XKR9: variants seen among roughly 807,000 people sequenced by gnomAD.
The protein encoded by XKR9 is XK related 9, also known as XK-related protein 9.
Under a neutral mutation model 32.0 loss-of-function variants are expected in XKR9, and 32 were observed. That is an observed-to-expected ratio of 1.00 (90% CI 0.76 to 1.34). XKR9 has a LOEUF of 1.34. Among genes scored for constraint, XKR9 ranks in the 40% most tolerant of loss-of-function variants. The probability of loss-of-function intolerance (pLI) is 0.00; values close to 1 mark genes in which losing one functional copy is unlikely to be tolerated. For synonymous variants in XKR9, 168 were observed against 143.4 expected (o/e 1.17, Z -1.22); for missense variants, 546 against 429.7 (o/e 1.27, Z -2.39).
At chr8:71,003,846 A>C in the XKR9 span, among the ~76,000 whole-genome samples, 1 of 152,342 alleles carries the variant, frequency 6.6e-6, no homozygotes, top group African/African-American at 2.4e-5. Flanking sequence ...CCAAGAAGTA[A>C]TGTCCTCAGG....
intron 2 of XKR9, among the ~76,000 whole-genome samples, chr8:70,679,829 G>C (rs1426140658): frequency 6.6e-6 from 1 of 151,930 alleles, no homozygotes; most frequent in Non-Finnish European, 1.5e-5. Context: ...ATTAAATTGG[G>C]GCGTTTTATA....
At chr8:70,970,496 G>A in the XKR9 span, among the ~76,000 whole-genome samples, 1 of 152,016 alleles carries the variant, frequency 6.6e-6, no homozygotes, top group Non-Finnish European at 1.5e-5. Flanking sequence ...AGGCCCCAGT[G>A]TGTGATGTTT....
At chr8:70,833,236 C>G in the XKR9 span, among the ~76,000 whole-genome samples, 1 of 152,212 alleles carries the variant, frequency 6.6e-6, no homozygotes, top group East Asian at 1.9e-4. Context: ...CTTGAGTCAG[C>G]TGTGGTTTCT....
chr8:70,708,003 C>T (rs1288902213), intron 4 of XKR9, among the ~76,000 whole-genome samples: 1 of 151,978 alleles, frequency 6.6e-6, no homozygotes, highest in African/African-American at 2.4e-5. Flanking sequence ...CCCTGGAGTT[C>T]TTGCTGTCCT....
chr8:70,996,168 G>A, the XKR9 span, among the ~76,000 whole-genome samples: 2 of 152,314 alleles, frequency 1.3e-5, no homozygotes, highest in African/African-American at 4.8e-5. Flanking sequence ...TGTGATGTAT[G>A]ACAAGCACAT....
the XKR9 span, among the ~76,000 whole-genome samples, chr8:70,888,094 T>G: frequency 1.3e-5 from 2 of 152,032 alleles, no homozygotes; most frequent in African/African-American, 4.8e-5. Flanking sequence ...CTTCTAGCTC[T>G]TTTTTAATAT....
the XKR9 span, among the ~76,000 whole-genome samples, chr8:71,036,772 C>A: frequency 1.3e-5 from 2 of 151,868 alleles, no homozygotes; most frequent in East Asian, 3.9e-4. Flanking sequence ...TCCCTGAATA[C>A]TAGTGTAAAT....
At chr8:70,692,495 C>A (rs926640401) in intron 3 of XKR9, among the ~76,000 whole-genome samples, 1 of 151,882 alleles carries the variant, frequency 6.6e-6, no homozygotes, top group Admixed American at 6.6e-5. Context: ...TTGTCTTGTA[C>A]GAGTTTTCAA....
the XKR9 span, among the ~76,000 whole-genome samples, chr8:70,812,251 G>C: frequency 1.0e-2 from 1,515 of 152,078 alleles, 22 homozygotes; most frequent in African/African-American, 0.035. Flanking sequence ...ACCCTTCATG[G>C]TACAAACTCT....
At chr8:70,943,335 A>G in the XKR9 span, among the ~76,000 whole-genome samples, 1 of 152,160 alleles carries the variant, frequency 6.6e-6, no homozygotes, top group Non-Finnish European at 1.5e-5. Flanking sequence ...AAATGGACTA[A>G]TAAGGCTTTT....
the XKR9 span, among the ~76,000 whole-genome samples, chr8:71,003,661 C>T: frequency 6.6e-6 from 1 of 152,074 alleles, no homozygotes; most frequent in East Asian, 1.9e-4. Flanking sequence ...TATTTAGGCA[C>T]TTGATAAATA....
chr8:70,978,534 C>G, the XKR9 span, among the ~76,000 whole-genome samples: 1 of 152,170 alleles, frequency 6.6e-6, no homozygotes. Context: ...GTTGAAAATT[C>G]TTTTCTTTAA....
At chr8:70,905,940 A>T in the XKR9 span, among the ~76,000 whole-genome samples, 6 of 152,244 alleles carry the variant, frequency 3.9e-5, no homozygotes, top group Non-Finnish European at 8.8e-5. Context: ...GCTGCAGAAC[A>T]GCAAATATTG....
chr8:70,944,454 A>C, the XKR9 span, among the ~76,000 whole-genome samples: 1,510 of 152,362 alleles, frequency 9.9e-3, 23 homozygotes, highest in African/African-American at 0.034. Flanking sequence ...AAAATTACCA[A>C]GAAAGAGGAG....
chr8:70,789,331 A>G (rs1807732958), intron 2 of XKR9: 2 of 152,140 alleles, frequency 1.3e-5, no homozygotes, highest in African/African-American at 4.8e-5. Context: ...AAATCTTCAT[A>G]CATATAGGAA....
chr8:70,864,573 C>T, the XKR9 span, among the ~76,000 whole-genome samples: 1 of 152,146 alleles, frequency 6.6e-6, no homozygotes, highest in South Asian at 2.1e-4. Flanking sequence ...AAGCATTTGA[C>T]CTATAACTTG....
chr8:70,688,355 A>G (rs113120636), intron 3 of XKR9, among the ~76,000 whole-genome samples: 7 of 152,174 alleles, frequency 4.6e-5, no homozygotes, highest in African/African-American at 1.7e-4. Context: ...TCTCCCCGTC[A>G]CCCATACAAA....
In XKR9 at chr8:70,695,145, T is replaced by C. The variant is rs1347418910; in HGVS notation, c.273-11788T>C. ...TTGTTTTTCTTTTTTTTTTTTTTTT[T>C]CTCATTGATTTGTTTTTAAAAAAAT... On this transcript the variant is annotated intron_variant, in intron 3 of 4. Coordinates refer to ENST00000408926, the MANE Select transcript of XKR9 (RefSeq NM_001011720.2). 4.4e-5 allele frequency among the ~76,000 whole-genome samples: 6 copies of C among 137,086 alleles called. No homozygotes were observed. In the South Asian group the frequency reaches 7.1e-4, roughly 16 times the overall value. The allele number at this position is 137,086 out of a possible 152,430, so 89.9% of individuals were successfully genotyped here. A position where few individuals can be genotyped will look rare whatever the true frequency, so the allele number is the denominator to read the frequency against.
intron 4 of XKR9, among the ~76,000 whole-genome samples, chr8:70,710,636 G>A (rs185599806): frequency 9.2e-5 from 14 of 152,204 alleles, no homozygotes; most frequent in East Asian, 3.9e-4. Flanking sequence ...CCAGGAAGGC[G>A]GAGGTTGCAG....
Sources: allele counts gnomAD v4.1 joint callset (sites outside exome capture counted in the v4.1 genomes callset), GRCh38; gene constraint gnomAD v4.1.1; transcripts MANE v1.5; gene names NCBI Gene and HGNC (gene_info 2026-07-23, HGNC 2026-07-21).